The following CNTN4 variants were observed in gnomAD, a reference collection of about 807,000 sequenced individuals.
The protein encoded by CNTN4 is contactin 4.
CNTN4 carries 77 observed loss-of-function variants against 122.5 expected under a neutral mutation model. The ratio of observed to expected loss-of-function variants is 0.63; its 90% CI spans 0.52 to 0.76. The LOEUF (loss-of-function observed/expected upper bound fraction) is 0.76, where lower values mean the gene tolerates loss of function less well. Among genes scored for constraint, CNTN4 ranks in the 30% least tolerant of loss-of-function variants. The pLI is 0.00. For synonymous variants in CNTN4, 512 were observed against 447.0 expected (o/e 1.15, Z -1.83); for missense variants, 1,256 against 1,259.1 (o/e 1.00, Z 0.04).
intron 3 of CNTN4, among the ~76,000 whole-genome samples, chr3:2,529,969 T>C (rs2077536255): frequency 6.6e-6 from 1 of 152,148 alleles, no homozygotes; most frequent in African/African-American, 2.4e-5. Context: ...TATATTTTCA[T>C]CAATGAAAAT....
At chr3:2,863,776 A>G (rs1312203859) in intron 7 of CNTN4, among the ~76,000 whole-genome samples, 1 of 152,172 alleles carries the variant, frequency 6.6e-6, no homozygotes, top group Non-Finnish European at 1.5e-5. Flanking sequence ...TTGGCATGAC[A>G]AAATCTCTTG....
chr3:2,379,325 T>C (rs576181918), intron 3 of CNTN4, among the ~76,000 whole-genome samples: 2 of 152,130 alleles, frequency 1.3e-5, no homozygotes, highest in African/African-American at 4.8e-5. Context: ...ATGATTAAAA[T>C]TCTTCAAGAA....
chr3:2,445,357 T>C lies in CNTN4; in HGVS notation c.-89+106124T>C, dbSNP rs566968065. Reference sequence around the variant, plus strand: ...TAATGGGTCACACCACATCCAGGTATTACCACCTGGGAGAAGAAAGGTGAC... The same window carrying C: ...TAATGGGTCACACCACATCCAGGTACTACCACCTGGGAGAAGAAAGGTGAC... On this transcript the variant is annotated intron_variant, in intron 3 of 24. Transcript: ENST00000418658. 2.7e-5 allele frequency among the ~76,000 whole-genome samples: 4 copies of C among 150,854 alleles called. No homozygotes were observed. In the South Asian group the frequency reaches 6.4e-4, roughly 24 times the overall value.
chr3:2,897,944 G>C lies in CNTN4; in HGVS notation c.941-2741G>C, dbSNP rs775726521. ...CCCAATGCATTATCACAAAAGGGGA[G>C]GGGCTAATGATGTGTCTTATAATAT... is the stretch of plus-strand genomic sequence containing the variant. On this transcript the variant is annotated intron_variant, in intron 10 of 24. Coordinates refer to ENST00000418658, the MANE Select transcript of CNTN4 (RefSeq NM_175607.3). Among the ~76,000 whole-genome samples, 4 of 152,162 alleles carry C rather than the reference G, an allele frequency of 2.6e-5. No individual in the cohort carries two copies. In the East Asian group the frequency reaches 5.8e-4, roughly 22 times the overall value.
At chr3:2,873,040 C>T (rs960472440) in intron 8 of CNTN4, among the ~76,000 whole-genome samples, 6 of 152,106 alleles carry the variant, frequency 3.9e-5, no homozygotes, top group Admixed American at 6.6e-5. Flanking sequence ...AAAGCCCAAA[C>T]GATGACCTCA....
At chr3:2,579,741 A>G (rs2079852519) in intron 4 of CNTN4, among the ~76,000 whole-genome samples, 1 of 152,204 alleles carries the variant, frequency 6.6e-6, no homozygotes, top group South Asian at 2.1e-4. Flanking sequence ...ACTTAGAACT[A>G]AGCTATTTAA....
intron 8 of CNTN4, among the ~76,000 whole-genome samples, chr3:2,879,804 C>T (rs1174388543): frequency 2.0e-5 from 3 of 152,030 alleles, no homozygotes; most frequent in Admixed American, 2.0e-4. Flanking sequence ...TGCTAAAAAC[C>T]ATTGGATTGC....
intron 2 of CNTN4, among the ~76,000 whole-genome samples, chr3:2,291,942 G>A (rs906056005): frequency 6.6e-6 from 1 of 152,006 alleles, no homozygotes; most frequent in African/African-American, 2.4e-5. Flanking sequence ...CACCATATTG[G>A]TCAGGCTGGT....
At chr3:2,691,112 A>C (rs1401847890) in intron 4 of CNTN4, among the ~76,000 whole-genome samples, 1 of 152,124 alleles carries the variant, frequency 6.6e-6, no homozygotes, top group African/African-American at 2.4e-5. Flanking sequence ...CTATTTTTTA[A>C]TATGTATGGC....
intron 3 of CNTN4, among the ~76,000 whole-genome samples, chr3:2,551,876 C>T (rs1005419105): frequency 2.6e-5 from 4 of 152,040 alleles, no homozygotes; most frequent in African/African-American, 4.8e-5. Flanking sequence ...CTTTCATTTA[C>T]AGCCTAAATA....
At chr3:2,576,551 C>CTT (rs11313015) in intron 4 of CNTN4, among the ~76,000 whole-genome samples, 1,374 of 131,216 alleles carry the variant, frequency 0.01, 21 homozygotes, top group African/African-American at 0.037. Flanking sequence ...CTGTTTTTTT[C>CTT]TTTTTTTTTT....
chr3:2,709,475 A>T lies in CNTN4; in HGVS notation c.56-26740A>T, dbSNP rs2086977365. Among the ~76,000 whole-genome samples the T allele has an allele frequency of 6.6e-6, 1 of 152,166 alleles. No homozygotes were observed. The highest frequency in any genetic ancestry group is 2.4e-5 in the African/African-American group (1 of 41,424). On this transcript the variant is annotated intron_variant, in intron 4 of 24. Coordinates refer to ENST00000418658, the MANE Select transcript of CNTN4 (RefSeq NM_175607.3). The surrounding 1 kb of genome is among the most constrained non-coding windows in gnomAD (Gnocchi z 5.0). Reference sequence around the variant, plus strand: ...TGCAATGGGGGATGGGAACTACTGAAACCTAATCCCCGCAATTACAGGGTT... The same window carrying T: ...TGCAATGGGGGATGGGAACTACTGATACCTAATCCCCGCAATTACAGGGTT...
intron 3 of CNTN4, among the ~76,000 whole-genome samples, chr3:2,482,302 G>C (rs2076027845): frequency 6.6e-6 from 1 of 152,096 alleles, no homozygotes; most frequent in African/African-American, 2.4e-5. Flanking sequence ...CTGCCCTAGA[G>C]ATCTGTGGAA....
chr3:2,612,774 C>T (rs898869494), intron 4 of CNTN4, among the ~76,000 whole-genome samples: 11 of 152,104 alleles, frequency 7.2e-5, no homozygotes, highest in Admixed American at 6.6e-5. Context: ...AATATGCCAA[C>T]ATATAGACAT....
chr3:2,125,869 T>C (rs1269540220), intron 2 of CNTN4, among the ~76,000 whole-genome samples: 2 of 151,648 alleles, frequency 1.3e-5, no homozygotes, highest in African/African-American at 4.8e-5. Flanking sequence ...TATGAAGATT[T>C]ATAAGTTGCT....
At chr3:2,421,246 G>C (rs1308531527) in intron 3 of CNTN4, among the ~76,000 whole-genome samples, 2 of 102,640 alleles carry the variant, frequency 1.9e-5, no homozygotes, top group African/African-American at 7.7e-5. Context: ...CCCTTCAGGG[G>C]GTTTCTTTTT....
At chr3:2,144,124 AC>A (rs936692314) in intron 2 of CNTN4, 5 of 152,134 alleles carry the variant, frequency 3.3e-5, no homozygotes, top group Admixed American at 3.3e-4. Context: ...AGGTAAGCAT[AC>A]CTACCTAGTA....
At chr3:2,882,906 A>G in intron 8 of CNTN4, 1 of 444,498 alleles carries the variant, frequency 2.2e-6, no homozygotes, top group Admixed American at 3.4e-5. Context: ...GCAAAGTTGT[A>G]TGCATGGAGA....
At chr3:2,497,113 C>G (rs13084400) in intron 3 of CNTN4, among the ~76,000 whole-genome samples, 3 of 152,210 alleles carry the variant, frequency 2.0e-5, no homozygotes, top group African/African-American at 7.2e-5. Flanking sequence ...AAATGTTTTA[C>G]TAGCTATGTA....
Sources: gnomAD v4.1 joint callset for allele counts (sites outside exome capture counted in the v4.1 genomes callset) on GRCh38, gnomAD v4.1.1 for gene constraint, Gnocchi (gnomAD v3.1) non-coding constraint, MANE v1.5 for transcripts, NCBI Gene and HGNC (gene_info 2026-07-23, HGNC 2026-07-21) for gene names.